Variants in CHCHD3 observed in about 807,000 individuals in gnomAD.
CHCHD3 encodes the protein coiled-coil-helix-coiled-coil-helix domain containing 3.
A neutral mutation model predicts 38.2 loss-of-function variants in CHCHD3; 20 were observed. The observed-to-expected ratio is 0.52, with a 90% confidence interval of 0.37 to 0.76. CHCHD3 has a LOEUF of 0.76. CHCHD3 is among the 30% of genes least tolerant of loss of function. The probability of loss-of-function intolerance (pLI) is 0.00; values close to 1 mark genes in which losing one functional copy is unlikely to be tolerated. For missense variants in CHCHD3, 245 were observed against 279.2 expected (o/e 0.88, Z 0.87); for synonymous variants, 82 against 100.0 (o/e 0.82, Z 1.07).
At chr7:132,875,998 T>TA (rs1808887618) in intron 5 of CHCHD3, among the ~76,000 whole-genome samples, 1 of 152,228 alleles carries the variant, frequency 6.6e-6, no homozygotes, top group South Asian at 2.1e-4. Context: ...ACGTAATCCT[T>TA]ACAGACGCAC....
chr7:132,862,576 C>T (rs1413597608), intron 5 of CHCHD3, among the ~76,000 whole-genome samples: 1 of 152,158 alleles, frequency 6.6e-6, no homozygotes, highest in African/African-American at 2.4e-5. Flanking sequence ...AATGGCATGG[C>T]TATGACAATT....
At chr7:132,978,055 T>C (rs904787148) in intron 3 of CHCHD3, among the ~76,000 whole-genome samples, 1 of 152,182 alleles carries the variant, frequency 6.6e-6, no homozygotes, top group Non-Finnish European at 1.5e-5. Flanking sequence ...AGTCCTGTTA[T>C]TCTCATGGGT....
chr7:133,065,726 G>A (rs1814649971), intron 2 of CHCHD3, among the ~76,000 whole-genome samples: 1 of 152,152 alleles, frequency 6.6e-6, no homozygotes, highest in Non-Finnish European at 1.5e-5. Context: ...ACTCCTAAAT[G>A]AGACAAACTC....
intron 4 of CHCHD3, among the ~76,000 whole-genome samples, chr7:132,907,810 A>G (rs1031047492): frequency 6.6e-6 from 1 of 152,214 alleles, no homozygotes; most frequent in African/African-American, 2.4e-5. Context: ...CAAGTGTGAT[A>G]TAACAGGACC....
chr7:132,902,225 G>A (rs1255345462), intron 4 of CHCHD3, among the ~76,000 whole-genome samples: 5 of 152,206 alleles, frequency 3.3e-5, no homozygotes, highest in Non-Finnish European at 7.3e-5. Flanking sequence ...TGGTGGGACT[G>A]TAAACTAGTT....
intron 5 of CHCHD3, among the ~76,000 whole-genome samples, chr7:132,874,089 G>A (rs774006672): frequency 4.6e-5 from 7 of 152,036 alleles, no homozygotes; most frequent in South Asian, 2.1e-4. Context: ...TCATTCATTC[G>A]ACAAATATTT....
intron 6 of CHCHD3, among the ~76,000 whole-genome samples, chr7:132,821,738 C>A (rs1186575079): frequency 6.8e-6 from 1 of 146,998 alleles, no homozygotes; most frequent in East Asian, 2.1e-4. Context: ...AAAAGCTTAG[C>A]ACTCAAATCT....
At chr7:132,896,428 AT>A (rs1451619092) in intron 4 of CHCHD3, among the ~76,000 whole-genome samples, 9 of 152,318 alleles carry the variant, frequency 5.9e-5, no homozygotes, top group Middle Eastern at 3.4e-3. Flanking sequence ...TTGTGATTCC[AT>A]TATAACTTAC....
At chr7:133,039,265 G>A (rs1270130753) in intron 2 of CHCHD3, among the ~76,000 whole-genome samples, 1 of 152,092 alleles carries the variant, frequency 6.6e-6, no homozygotes, top group East Asian at 1.9e-4. Context: ...TTCAAGACAT[G>A]GTAGCAATGA....
At chr7:133,025,110 G>T (rs148138583) in intron 2 of CHCHD3, among the ~76,000 whole-genome samples, 66 of 152,230 alleles carry the variant, frequency 4.3e-4, no homozygotes, top group Admixed American at 7.8e-4. Context: ...CATTATTTAT[G>T]AAAAAAGCCA....
rs56259114 is a variant in CHCHD3 at position 132,879,716 on chromosome 7, T to TAAAAAAAAAAAAAA, written c.453+5932_453+5945dup. On this transcript the variant is annotated intron_variant, in intron 5 of 7. Transcript: ENST00000262570. ...AACTATCAGAACACTTTGTCAAAAG[T>TAAAAAAAAAAAAAA]AAAAAAAAAAAAAAAAAAAAAAAAA... Among the ~76,000 whole-genome samples, 17 of 38,428 alleles carry TAAAAAAAAAAAAAA rather than the reference T, an allele frequency of 4.4e-4. 2 individuals are homozygous for TAAAAAAAAAAAAAA. Among genetic ancestry groups the TAAAAAAAAAAAAAA allele is most frequent in the East Asian group, 2.3e-3 (2 of 862 alleles). 25.2% of individuals were successfully genotyped at this position (38,428 alleles called of 152,430 possible).
chr7:132,985,248 T>A (rs1311144886), intron 3 of CHCHD3, among the ~76,000 whole-genome samples: 1 of 51,614 alleles, frequency 1.9e-5, no homozygotes, highest in African/African-American at 7.9e-5. Context: ...GGGAGGGAGG[T>A]GGGGGGGTCA....
chr7:132,985,191 A>G (rs1387252968), intron 3 of CHCHD3, among the ~76,000 whole-genome samples: 150 of 35,512 alleles, frequency 4.2e-3, no homozygotes, highest in Admixed American at 6.2e-3. Flanking sequence ...CCCCGTCCGG[A>G]AGGGAGGTGG....
intron 2 of CHCHD3, among the ~76,000 whole-genome samples, chr7:133,043,645 C>CAAA (rs765611377): frequency 1.0e-5 from 1 of 99,130 alleles, no homozygotes; most frequent in Non-Finnish European, 2.1e-5. Context: ...GACTCCATCT[C>CAAA]AAAAAAAAAA....
intron 3 of CHCHD3, among the ~76,000 whole-genome samples, chr7:133,020,190 T>A (rs1399936429): frequency 3.3e-5 from 5 of 152,186 alleles, no homozygotes; most frequent in Middle Eastern, 3.4e-3. Context: ...ACAGGATAAA[T>A]CTAAGACAAA....
At chr7:132,812,334 C>CCAGTAGCTGGGATTACAG (rs1297067013) in intron 6 of CHCHD3, among the ~76,000 whole-genome samples, 10 of 148,802 alleles carry the variant, frequency 6.7e-5, no homozygotes, top group Non-Finnish European at 1.5e-4. Context: ...CTCAGCCTCT[C>CCAGTAGCTGGGATTACAG]CAGTAGCTGG....
At chr7:132,986,455 A>G (rs1183839272) in intron 3 of CHCHD3, among the ~76,000 whole-genome samples, 1 of 151,906 alleles carries the variant, frequency 6.6e-6, no homozygotes, top group Non-Finnish European at 1.5e-5. Context: ...TACAACTTCT[A>G]TATGAGTGCT....
intron 5 of CHCHD3, among the ~76,000 whole-genome samples, chr7:132,880,000 C>G (rs572728358): frequency 1.3e-5 from 2 of 152,152 alleles, no homozygotes; most frequent in African/African-American, 2.4e-5. Context: ...ATGTCAAATT[C>G]TGGGAGAAAA....
At chr7:132,876,053 T>C (rs1477887944) in intron 5 of CHCHD3, among the ~76,000 whole-genome samples, 1 of 152,236 alleles carries the variant, frequency 6.6e-6, no homozygotes, top group Non-Finnish European at 1.5e-5. Flanking sequence ...GAAGAGCACT[T>C]TCTAACAGAA....
Sources: allele counts gnomAD v4.1 joint callset (sites outside exome capture counted in the v4.1 genomes callset), GRCh38; gene constraint gnomAD v4.1.1; transcripts MANE v1.5; gene names NCBI Gene and HGNC (gene_info 2026-07-23, HGNC 2026-07-21).